Variants in STXBP4 observed in about 807,000 individuals in gnomAD.
The protein encoded by STXBP4 is syntaxin binding protein 4.
STXBP4 carries 55 observed loss-of-function variants against 76.1 expected under a neutral mutation model. The observed-to-expected ratio is 0.72, with a 90% CI of 0.58 to 0.91. STXBP4 has a LOEUF of 0.91. STXBP4 is among the 40% of genes least tolerant of loss of function. STXBP4 has a pLI of 0.00. For missense variants in STXBP4, 618 were observed against 636.9 expected (o/e 0.97, Z 0.32); for synonymous variants, 201 against 220.2 (o/e 0.91, Z 0.77).
intron 17 of STXBP4, among the ~76,000 whole-genome samples, chr17:55,152,042 A>G (rs752175071): frequency 1.5e-4 from 23 of 152,306 alleles, no homozygotes; most frequent in Admixed American, 7.8e-4. Flanking sequence ...CAATTTATTT[A>G]TGCATATTTT....
chr17:55,070,815 T>C (rs2079110592), intron 12 of STXBP4, among the ~76,000 whole-genome samples: 1 of 152,158 alleles, frequency 6.6e-6, no homozygotes, highest in Non-Finnish European at 1.5e-5. Context: ...TTGTCTCTCT[T>C]CCTTTATTCA....
chr17:55,017,561 G>A (rs573188004), intron 8 of STXBP4, among the ~76,000 whole-genome samples: 13 of 152,220 alleles, frequency 8.5e-5, no homozygotes, highest in Non-Finnish European at 1.8e-4. Flanking sequence ...AGAATTTGGG[G>A]GCTACACTTT....
At chr17:54,973,574 A>G (rs867399927) in intron 1 of STXBP4, among the ~76,000 whole-genome samples, 11 of 152,366 alleles carry the variant, frequency 7.2e-5, no homozygotes, top group Middle Eastern at 6.8e-3. Context: ...TACAATAACA[A>G]TACAACATTG....
chr17:55,109,581 A>G (rs913114950), intron 16 of STXBP4, among the ~76,000 whole-genome samples: 8 of 147,696 alleles, frequency 5.4e-5, no homozygotes. Context: ...ATAGTCCATT[A>G]GTTTCCTATT....
At chr17:55,064,549 C>G (rs185681056) in intron 12 of STXBP4, among the ~76,000 whole-genome samples, 138 of 152,292 alleles carry the variant, frequency 9.1e-4, no homozygotes, top group Admixed American at 2.2e-3. Flanking sequence ...GACTGGAGTG[C>G]AGTGGCACAA....
intron 4 of STXBP4, chr17:54,991,526 T>G (rs1024172387): frequency 5.9e-5 from 9 of 152,122 alleles, no homozygotes; most frequent in Non-Finnish European, 7.4e-5. Flanking sequence ...GGTAGGAAGC[T>G]CAGACCCAAA....
At chr17:55,204,533 A>T in the STXBP4 span, among the ~76,000 whole-genome samples, 11 of 152,262 alleles carry the variant, frequency 7.2e-5, no homozygotes, top group East Asian at 2.1e-3. Flanking sequence ...GCTATAAAAG[A>T]TATTATCTTT....
intron 1 of STXBP4, among the ~76,000 whole-genome samples, chr17:54,980,011 ATTTG>A (rs1240200945): frequency 6.8e-6 from 1 of 147,166 alleles, no homozygotes; most frequent in Non-Finnish European, 1.5e-5. Flanking sequence ...TCATCTACTT[ATTTG>A]TTTGTGACAG....
rs151055199 is a variant in STXBP4, at chr17:55,118,038, C to T, written c.1490-23272C>T. On this transcript the variant is annotated intron_variant, in intron 16 of 17. Coordinates refer to ENST00000376352, the MANE Select transcript of STXBP4 (RefSeq NM_178509.6). Reference sequence around the variant, plus strand: ...AAAACTAAAACACTACTTATTTATTCAGCAAACATTTTTGAGGGCCTATGA... The same window carrying T: ...AAAACTAAAACACTACTTATTTATTTAGCAAACATTTTTGAGGGCCTATGA... 2.6e-5 allele frequency among the ~76,000 whole-genome samples: 4 copies of T among 152,058 alleles called. No homozygotes were observed. In the East Asian group the frequency reaches 5.8e-4, roughly 22 times the overall value.
At chr17:55,066,216 T>C (rs950086666) in intron 12 of STXBP4, among the ~76,000 whole-genome samples, 1 of 152,014 alleles carries the variant, frequency 6.6e-6, no homozygotes, top group African/African-American at 2.4e-5. Flanking sequence ...TTGTTTTGTT[T>C]TGTTTTGTTT....
At chr17:54,993,359 T>A (rs769970688) in intron 4 of STXBP4, among the ~76,000 whole-genome samples, 1 of 152,202 alleles carries the variant, frequency 6.6e-6, no homozygotes, top group Non-Finnish European at 1.5e-5. Flanking sequence ...CTCATGCCTC[T>A]AATTCCAGCA....
intron 1 of STXBP4, among the ~76,000 whole-genome samples, chr17:54,981,721 T>C (rs2643025): frequency 0.8 from 121,399 of 152,028 alleles, 49,434 homozygotes; most frequent in East Asian, 0.99. Flanking sequence ...CAAACTTTTG[T>C]GTAACAAAAA....
chr17:55,190,324 T>A, the STXBP4 span, among the ~76,000 whole-genome samples: 1 of 152,120 alleles, frequency 6.6e-6, no homozygotes, highest in Non-Finnish European at 1.5e-5. Flanking sequence ...TTGAAAGGGT[T>A]CCAGGGAAGC....
At chr17:55,201,451 G>A in the STXBP4 span, among the ~76,000 whole-genome samples, 1 of 151,620 alleles carries the variant, frequency 6.6e-6, no homozygotes, top group East Asian at 1.9e-4. Context: ...GGAAAGGGAG[G>A]GATGGGAAGC....
chr17:55,194,671 A>G, the STXBP4 span, among the ~76,000 whole-genome samples: 224 of 152,358 alleles, frequency 1.5e-3, 7 homozygotes, highest in South Asian at 0.045. Context: ...ACAAGCATCA[A>G]TCATAGGTTC....
chr17:55,142,093 T>C (rs1321991745), intron 17 of STXBP4, among the ~76,000 whole-genome samples: 1 of 152,112 alleles, frequency 6.6e-6, no homozygotes, highest in Non-Finnish European at 1.5e-5. Context: ...AGAGTCAAAG[T>C]CTTCTGACCG....
rs1485632190 is a variant in STXBP4 at position 55,173,215 on chromosome 17, A to T, written c.*13304A>T. On this transcript the variant is annotated 3_prime_UTR_variant, in exon 18 of 18. Coordinates refer to ENST00000376352, the MANE Select transcript of STXBP4 (RefSeq NM_178509.6). ...TGCAGAAAAAAGTGACTTTTGGGGG[A>T]GTGCAGAGTTCTATGAATTTTTAAC... 1 of 152,118 alleles carries T rather than the reference A, an allele frequency of 6.6e-6. No individual in the cohort carries two copies. Among genetic ancestry groups the T allele is most frequent in the Admixed American group, 6.5e-5 (1 of 15,278 alleles). The allele number at this position is 152,118 out of a possible 1,614,324, so 9.4% of individuals were successfully genotyped here.
At position 55,056,536 on chromosome 17, in the gene STXBP4, G is replaced by C. The variant is rs554820702; in HGVS notation, c.1011+9382G>C. On this transcript the variant is annotated intron_variant, in intron 12 of 17. Transcript: ENST00000376352. ...CTATTTTATTTTCTAAGAAGAATTT[G>C]TTTTTAAGCAAGATCTTTTCAAAGC... Among the ~76,000 whole-genome samples, 7 of 152,228 alleles carry C rather than the reference G, an allele frequency of 4.6e-5. No individual in the cohort carries two copies. In the South Asian group the frequency reaches 1.5e-3, roughly 32 times the overall value.
At chr17:55,127,026 G>A (rs2079920240) in intron 16 of STXBP4, among the ~76,000 whole-genome samples, 1 of 152,144 alleles carries the variant, frequency 6.6e-6, no homozygotes, top group African/African-American at 2.4e-5. Context: ...ACAATAAAAT[G>A]TAAGTGTACA....
Sources: gnomAD v4.1 joint callset for allele counts (sites outside exome capture counted in the v4.1 genomes callset) on GRCh38, gnomAD v4.1.1 for gene constraint, MANE v1.5 for transcripts, NCBI Gene and HGNC (gene_info 2026-07-23, HGNC 2026-07-21) for gene names.